The following GPM6A variants were observed in gnomAD, a reference collection of about 807,000 sequenced individuals.
GPM6A encodes neuronal membrane glycoprotein M6-a.
GPM6A carries 7 observed loss-of-function variants against 32.1 expected under a neutral mutation model. That is an observed-to-expected ratio of 0.22 (90% CI 0.12 to 0.41). The LOEUF is 0.41. GPM6A is among the 10% of genes least tolerant of loss of function. GPM6A has a pLI of 1.00. For synonymous variants in GPM6A, 130 were observed against 123.4 expected, an observed-to-expected ratio of 1.05 and a Z score of -0.35; for missense variants, 235 against 347.2, an observed-to-expected ratio of 0.68 and a Z score of 2.57.
intron 1 of GPM6A, among the ~76,000 whole-genome samples, chr4:175,706,839 T>C (rs1322887400): frequency 6.6e-6 from 1 of 152,016 alleles, no homozygotes; most frequent in Non-Finnish European, 1.5e-5. Context: ...TAAAACAGGG[T>C]GTAGTAAAGA....
chr4:175,907,641 C>T (rs1177590204), intron 1 of GPM6A, among the ~76,000 whole-genome samples: 1 of 152,050 alleles, frequency 6.6e-6, no homozygotes, highest in African/African-American at 2.4e-5. Flanking sequence ...GGTCATAAAA[C>T]CCTCCGGTGA....
chr4:175,830,657 C>T (rs1322132341), intron 1 of GPM6A, among the ~76,000 whole-genome samples: 1 of 152,130 alleles, frequency 6.6e-6, no homozygotes, highest in Non-Finnish European at 1.5e-5. Context: ...GTTTCTTCAG[C>T]GTCCATATCT....
At chr4:175,638,796 T>C (rs2110880050) in intron 6 of GPM6A, among the ~76,000 whole-genome samples, 1 of 152,262 alleles carries the variant, frequency 6.6e-6, no homozygotes, top group Non-Finnish European at 1.5e-5. Flanking sequence ...AGCATAGAAA[T>C]GGGTGTATGA....
chr4:175,675,780 G>A (rs897189421), intron 2 of GPM6A, among the ~76,000 whole-genome samples: 2 of 152,106 alleles, frequency 1.3e-5, no homozygotes, highest in Non-Finnish European at 2.9e-5. Context: ...CTCCCAAGTA[G>A]TAGAGACTAG....
At chr4:175,829,648 A>AAT (rs3034745) in intron 1 of GPM6A, among the ~76,000 whole-genome samples, 54 of 144,722 alleles carry the variant, frequency 3.7e-4, no homozygotes, top group African/African-American at 1.3e-3. Flanking sequence ...TCATTTATGT[A>AAT]ATATATATAT....
In GPM6A at chr4:175,634,902, C is replaced by A. The variant is rs199620432; in HGVS notation, c.*3G>T. The A allele has an allele frequency of 2.4e-4, 380 of 1,611,598 alleles. 1 individual carries two copies. The highest frequency in any genetic ancestry group is 8.3e-4 in the Middle Eastern group (5 of 6,046). On this transcript the variant is annotated 3_prime_UTR_variant, in exon 7 of 7. Coordinates refer to ENST00000393658, the MANE Select transcript of GPM6A (RefSeq NM_201591.3). ...AAATGGTAGAAAGAACAGGAAGATG[C>A]ATTTATGTGTATGCATTGAGCCGCT...
intron 1 of GPM6A, among the ~76,000 whole-genome samples, chr4:175,948,775 T>C (rs1739699827): frequency 7.2e-6 from 1 of 138,402 alleles, no homozygotes; most frequent in South Asian, 2.1e-4. Context: ...CACAAAGTTA[T>C]GCTATGGACT....
intron 1 of GPM6A, among the ~76,000 whole-genome samples, chr4:175,810,398 T>C (rs1734870686): frequency 6.6e-6 from 1 of 152,208 alleles, no homozygotes; most frequent in African/African-American, 2.4e-5. Flanking sequence ...ACGTTTTTTC[T>C]GATTTAAAAC....
chr4:175,834,413 A>T (rs1293080198), intron 1 of GPM6A, among the ~76,000 whole-genome samples: 1 of 152,148 alleles, frequency 6.6e-6, no homozygotes, highest in Non-Finnish European at 1.5e-5. Context: ...AAGAGTGCAG[A>T]ATTTTCAGTA....
intron 1 of GPM6A, among the ~76,000 whole-genome samples, chr4:175,719,543 G>C (rs1746010009): frequency 1.3e-5 from 2 of 152,158 alleles, no homozygotes; most frequent in Middle Eastern, 3.4e-3. Context: ...GATAATCACA[G>C]TATGCCGTTT....
chr4:175,754,773 T>G (rs73006366), intron 1 of GPM6A, among the ~76,000 whole-genome samples: 8,008 of 151,882 alleles, frequency 0.053, 317 homozygotes, highest in African/African-American at 0.092. Flanking sequence ...GTAAATTATT[T>G]ATCTAATTAA....
intron 1 of GPM6A, among the ~76,000 whole-genome samples, chr4:175,853,243 T>G (rs1736314867): frequency 6.6e-6 from 1 of 152,194 alleles, no homozygotes; most frequent in Non-Finnish European, 1.5e-5. Flanking sequence ...ATATTTAGAG[T>G]GATTATTTCA....
intron 6 of GPM6A, among the ~76,000 whole-genome samples, chr4:175,636,689 G>A (rs933272309): frequency 1.2e-4 from 18 of 150,728 alleles, no homozygotes; most frequent in Non-Finnish European, 2.5e-4. Flanking sequence ...CCAGCTACTC[G>A]GGAGGATGAG....
chr4:175,940,026 A>G (rs1457292636), intron 1 of GPM6A, among the ~76,000 whole-genome samples: 1 of 152,220 alleles, frequency 6.6e-6, no homozygotes, highest in Non-Finnish European at 1.5e-5. Flanking sequence ...GTGATTAAAT[A>G]GTGATGCAGT....
At chr4:175,956,749 T>C (rs1156589998) in intron 1 of GPM6A, among the ~76,000 whole-genome samples, 1 of 151,514 alleles carries the variant, frequency 6.6e-6, no homozygotes, top group African/African-American at 2.5e-5. Context: ...GAATACTATG[T>C]CCCTGAACAA....
chr4:175,690,364 A>T (rs895167091), intron 2 of GPM6A, among the ~76,000 whole-genome samples: 2 of 152,228 alleles, frequency 1.3e-5, no homozygotes, highest in Admixed American at 1.3e-4. Flanking sequence ...TGCTGCAATA[A>T]ATTAGCCTAA....
chr4:175,909,035 A>T (rs1298845677), intron 1 of GPM6A, among the ~76,000 whole-genome samples: 3 of 8,036 alleles, frequency 3.7e-4, no homozygotes, highest in Non-Finnish European at 1.1e-3. Flanking sequence ...AGACAAAAAA[A>T]AAAGGGCGGG....
chr4:175,881,696 G>A (rs1560977802), intron 1 of GPM6A, among the ~76,000 whole-genome samples: 1 of 152,138 alleles, frequency 6.6e-6, no homozygotes, highest in Non-Finnish European at 1.5e-5. Context: ...CCTTTTTAGG[G>A]ACATGGATGA....
chr4:175,946,703 C>G (rs1317158563), intron 1 of GPM6A, among the ~76,000 whole-genome samples: 2 of 151,986 alleles, frequency 1.3e-5, no homozygotes, highest in African/African-American at 4.8e-5. Context: ...GCACTGTGGG[C>G]AAGGGCAGGG....
Sources: gnomAD v4.1 joint callset for allele counts (sites outside exome capture counted in the v4.1 genomes callset) on GRCh38, gnomAD v4.1.1 for gene constraint, MANE v1.5 for transcripts, NCBI Gene and HGNC (gene_info 2026-07-23, HGNC 2026-07-21) for gene names.